Variants in CHD9 observed in about 807,000 individuals in gnomAD.
The protein encoded by CHD9 is chromodomain helicase DNA binding protein 9.
A neutral mutation model predicts 316.1 loss-of-function variants in CHD9; 77 were observed. The ratio of observed to expected loss-of-function variants is 0.24; its 90% CI spans 0.20 to 0.29. The LOEUF is 0.29. Among genes scored for constraint, CHD9 ranks in the 10% least tolerant of loss-of-function variants. The pLI is 1.00. For synonymous variants in CHD9, 1,129 were observed against 1,158.3 expected (o/e 0.97, Z 0.51); for missense variants, 2,763 against 3,438.1 (o/e 0.80, Z 4.91).
At chr16:53,280,397 CTAT>C (rs1361761928) in intron 24 of CHD9, among the ~76,000 whole-genome samples, 3 of 151,940 alleles carry the variant, frequency 2.0e-5, no homozygotes, top group African/African-American at 7.3e-5. Context: ...GGATAGGAGA[CTAT>C]TATTCTAAGT....
chr16:53,218,601 AT>A (rs2046969190), intron 3 of CHD9, among the ~76,000 whole-genome samples: 1 of 152,196 alleles, frequency 6.6e-6, no homozygotes, highest in South Asian at 2.1e-4. Flanking sequence ...TCATTTGTAA[AT>A]TTTAAAAAAA....
chr16:53,140,416 C>CAAAA (rs544725340), intron 1 of CHD9, among the ~76,000 whole-genome samples: 1,469 of 99,216 alleles, frequency 0.015, 21 homozygotes, highest in African/African-American at 0.033. Flanking sequence ...AACTCTGTCT[C>CAAAA]AAAAAAAAAA....
intron 1 of CHD9, among the ~76,000 whole-genome samples, chr16:53,149,451 G>T (rs1268731388): frequency 6.6e-6 from 1 of 151,892 alleles, no homozygotes; most frequent in East Asian, 1.9e-4. Context: ...AATTTTGTGG[G>T]TCTGTTAGGT....
At position 53,324,717 on chromosome 16, in the gene CHD9, C is replaced by G. The variant is rs1328410659; in HGVS notation, c.8516C>G (p.Ser2839Cys). ...NKNSDLGSSK[S>C]VEVKEEDSRI... ...AACAGTGACTTAGGCTCGTCTAAGT[C>G]TGTAGAAGTAAAAGAAGAAGATTCC... Residue 2839 changes from serine (S) to cysteine (C), a missense_variant, in exon 39 of 39, where the codon TCT becomes TGT. Around this residue, in one of 15 missense-constraint regions of CHD9, gnomAD observed 298 missense variants for 380.2 expected, o/e 0.78. Coordinates refer to ENST00000447540, the MANE Select transcript of CHD9 (RefSeq NM_001308319.2). 1 of 1,613,248 alleles carries G rather than the reference C, an allele frequency of 6.2e-7. No individual in the cohort carries two copies. Among genetic ancestry groups the G allele is most frequent in the South Asian group, 1.1e-5 (1 of 90,936 alleles).
At chr16:53,212,988 A>T (rs2046452213) in intron 3 of CHD9, among the ~76,000 whole-genome samples, 1 of 152,224 alleles carries the variant, frequency 6.6e-6, no homozygotes, top group Non-Finnish European at 1.5e-5. Context: ...GGAAAAAGCC[A>T]AGGCCAGGAG....
chr16:53,120,312 C>G (rs1025018465), intron 1 of CHD9, among the ~76,000 whole-genome samples: 5 of 152,012 alleles, frequency 3.3e-5, no homozygotes, highest in Admixed American at 2.6e-4. Flanking sequence ...CCTGTAATGC[C>G]TATAAAACCA....
intron 1 of CHD9, among the ~76,000 whole-genome samples, chr16:53,108,517 T>C (rs1013888046): frequency 2.7e-5 from 3 of 112,732 alleles, no homozygotes; most frequent in Non-Finnish European, 5.5e-5. Context: ...AAAATATAGA[T>C]AGATAGATAG....
intron 34 of CHD9, chr16:53,311,712 AC>A (rs2056491828): frequency 6.6e-6 from 1 of 152,200 alleles, no homozygotes; most frequent in Non-Finnish European, 1.5e-5. Flanking sequence ...TCCAGAAACT[AC>A]CTGGAATAGT....
intron 1 of CHD9, among the ~76,000 whole-genome samples, chr16:53,155,318 G>T (rs1430050929): frequency 1.3e-5 from 2 of 151,698 alleles, no homozygotes; most frequent in Admixed American, 6.6e-5. Context: ...AACCTCTCAG[G>T]CTCAAGCAGT....
chr16:53,107,295 A>G (rs1057047385), intron 1 of CHD9, among the ~76,000 whole-genome samples: 3 of 151,860 alleles, frequency 2.0e-5, no homozygotes, highest in Admixed American at 6.6e-5. Context: ...CCCCGTCTCT[A>G]CTAAAAATAC....
intron 1 of CHD9, among the ~76,000 whole-genome samples, chr16:53,141,204 T>C (rs1001907417): frequency 2.2e-4 from 33 of 152,230 alleles, no homozygotes; most frequent in Non-Finnish European, 2.9e-5. Flanking sequence ...AGTACTGTTA[T>C]AATCCCTATT....
chr16:53,324,653 A>G lies in CHD9; in HGVS notation c.8452A>G (p.Thr2818Ala), dbSNP rs1481317414. ...LTPGLNLHIPTLSQSNTFDVQ... is the reference protein window; with the variant it reads ...LTPGLNLHIPALSQSNTFDVQ... The stretch of plus-strand genomic sequence containing the variant: ...TCCAGGCCTTAATCTTCATATTCCA[A>G]CTTTGTCCCAGTCCAATACTTTTGA... Residue 2818 changes from threonine (T) to alanine (A), a missense_variant, in exon 39 of 39, where the codon ACT (threonine) becomes GCT (alanine). Physicochemically the swap from Thr to Ala is moderately conservative, Grantham distance 58 (BLOSUM62 0). Coordinates refer to ENST00000447540, the MANE Select transcript of CHD9 (RefSeq NM_001308319.2). The G allele has an allele frequency of 6.2e-7, 1 of 1,613,662 alleles. No individual in the cohort carries two copies. Among genetic ancestry groups the G allele is most frequent in the Non-Finnish European group, 8.5e-7 (1 of 1,179,824 alleles).
At chr16:53,169,441 A>G (rs899016168) in intron 2 of CHD9, 1 of 152,216 alleles carries the variant, frequency 6.6e-6, no homozygotes, top group African/African-American at 2.4e-5. Context: ...AGCTTAAACA[A>G]TATCAGAAAT....
In CHD9 at chr16:53,314,494, A is replaced by G. The variant is rs533665470; in HGVS notation, c.7340A>G (p.Asn2447Ser). Residue 2447 changes from asparagine to serine, a missense_variant, in exon 35 of 39, where the codon AAC becomes AGC. Coordinates refer to ENST00000447540, the MANE Select transcript of CHD9 (RefSeq NM_001308319.2). ...NVEGVDIFFF[N>S]RNKPPNHVSL... ...GAAGGTGTTGACATCTTCTTTTTTA[A>G]CAGAAATAAACCACCTAATCATGTA... The G allele has an allele frequency of 1.7e-5, 27 of 1,576,024 alleles. No homozygotes were observed. The East Asian group carries it at 6.0e-4, about 35-fold the overall frequency.
At position 53,292,928 on chromosome 16, in the gene CHD9, A is replaced by G. The variant is rs1028899177; in HGVS notation, c.5386A>G (p.Asn1796Asp). 4.3e-6 allele frequency: 7 copies of G among 1,613,744 alleles called. No homozygotes were observed. The African/African-American group carries it at 9.3e-5, about 22-fold the overall frequency. Reference sequence around the variant, plus strand: ...TCTCATCACTGCATACCAGCGTACTAATAAAAACAGACAAATTCAGCAGAT... The same window carrying G: ...TCTCATCACTGCATACCAGCGTACTGATAAAAACAGACAAATTCAGCAGAT... ...RRLITAYQRT[N>D]KNRQIQQIQP... Residue 1796 changes from asparagine (N) to aspartate (D), a missense_variant, in exon 29 of 39, where the codon AAT (asparagine) becomes GAT (aspartate). Asn to Asp is a conservative substitution (Grantham distance 23). Coordinates refer to ENST00000447540, the MANE Select transcript of CHD9 (RefSeq NM_001308319.2).
rs572548718 is a variant in CHD9 at position 53,302,010 on chromosome 16, G to A, written c.5714-1710G>A. Among the ~76,000 whole-genome samples, 13 of 151,760 alleles carry A rather than the reference G, an allele frequency of 8.6e-5. No individual in the cohort carries two copies. In the East Asian group the frequency reaches 9.8e-4, roughly 11 times the overall value. Reference sequence around the variant, plus strand: ...AATCTCCTGACCTCATGATCCACCCGCCTCGGCCTCCCAAAGTACTGGGAT... The same window carrying A: ...AATCTCCTGACCTCATGATCCACCCACCTCGGCCTCCCAAAGTACTGGGAT... On this transcript the variant is annotated intron_variant, in intron 30 of 38. Coordinates refer to ENST00000447540, the MANE Select transcript of CHD9 (RefSeq NM_001308319.2).
intron 1 of CHD9, among the ~76,000 whole-genome samples, chr16:53,069,217 T>C (rs1052251218): frequency 6.6e-6 from 1 of 152,138 alleles, no homozygotes; most frequent in African/African-American, 2.4e-5. Flanking sequence ...GTGGCCAGGC[T>C]GGTCTCAAAC....
At chr16:53,224,022 C>T (rs2152910476) in intron 4 of CHD9, among the ~76,000 whole-genome samples, 1 of 152,044 alleles carries the variant, frequency 6.6e-6, no homozygotes, top group South Asian at 2.1e-4. Context: ...GAAATATGCC[C>T]CTGCAACAGA....
intron 13 of CHD9, among the ~76,000 whole-genome samples, chr16:53,244,152 CTGTT>C (rs1334863699): frequency 6.7e-6 from 1 of 148,914 alleles, no homozygotes; most frequent in Non-Finnish European, 1.5e-5. Flanking sequence ...TTTTACTATT[CTGTT>C]TAATTTTTAA....
Sources: allele counts gnomAD v4.1 joint callset (sites outside exome capture counted in the v4.1 genomes callset), GRCh38; gene constraint gnomAD v4.1.1; regional missense constraint gnomAD v4.1.1; transcripts MANE v1.5; gene names NCBI Gene and HGNC (gene_info 2026-07-23, HGNC 2026-07-21).